Variants in CLVS1 observed in about 807,000 individuals in gnomAD.
The protein encoded by CLVS1 is clavesin 1.
Under a neutral mutation model 33.1 loss-of-function variants are expected in CLVS1, and 10 were observed. The observed-to-expected ratio is 0.30, with a 90% CI of 0.19 to 0.51. The LOEUF (loss-of-function observed/expected upper bound fraction) is 0.51. Among genes scored for constraint, CLVS1 ranks in the 20% least tolerant of loss-of-function variants. The pLI is 0.97. For synonymous variants in CLVS1, 163 were observed against 166.1 expected (o/e 0.98, Z 0.14); for missense variants, 343 against 433.4 (o/e 0.79, Z 1.85).
At chr8:61,494,425 C>A (rs1324969188) in intron 5 of CLVS1, among the ~76,000 whole-genome samples, 1 of 152,120 alleles carries the variant, frequency 6.6e-6, no homozygotes, top group East Asian at 1.9e-4. Context: ...TCAAATCACT[C>A]CCCTGCCTGA....
chr8:61,410,066 GTTTTTTTT>G (rs201195565), intron 3 of CLVS1, among the ~76,000 whole-genome samples: 1 of 106,920 alleles, frequency 9.4e-6, no homozygotes, highest in Admixed American at 1.0e-4. Flanking sequence ...ACTTGCAGAG[GTTTTTTTT>G]TTTTTTTTTT....
chr8:61,000,403 G>A, the CLVS1 span, among the ~76,000 whole-genome samples: 1 of 152,180 alleles, frequency 6.6e-6, no homozygotes, highest in Non-Finnish European at 1.5e-5. Flanking sequence ...GGACAGCTAA[G>A]GTTGAAAGGG....
At chr8:60,967,467 G>A in the CLVS1 span, 1 of 339,998 alleles carries the variant, frequency 2.9e-6, no homozygotes, top group South Asian at 2.2e-5. Flanking sequence ...GCCGCATAGA[G>A]ACATAAATCG....
chr8:61,330,924 A>G (rs1332108395), intron 2 of CLVS1, among the ~76,000 whole-genome samples: 2 of 136,080 alleles, frequency 1.5e-5, no homozygotes, highest in Non-Finnish European at 3.1e-5. Flanking sequence ...GCCCCATTTC[A>G]AAAAAAAAAA....
intron 5 of CLVS1, among the ~76,000 whole-genome samples, chr8:61,476,402 CATG>C (rs1817933672): frequency 2.0e-5 from 3 of 152,306 alleles, no homozygotes; most frequent in South Asian, 2.1e-4. Flanking sequence ...TGGCCATTTT[CATG>C]ATATTGATTC....
chr8:61,232,023 G>GTTTGTTTGTTTGTTTTTTTTTTTTT lies in CLVS1; in HGVS notation c.-151-67651_-151-67650insGTTTGTTTGTTTTTTTTTTTTTTTT. ...AGAAGGAGCCCTGAGGAAAGTTGTG[G>GTTTGTTTGTTTGTTTTTTTTTTTTT]TTTTTTTTTTTTTTTTTTTTTTTTT... is the stretch of plus-strand genomic sequence containing the variant. On this transcript the variant is annotated intron_variant, in intron 2 of 2. Coordinates refer to the CLVS1 transcript ENST00000522621. Among the ~76,000 whole-genome samples, 13 of 62,626 alleles carry GTTTGTTTGTTTGTTTTTTTTTTTTT rather than the reference G, an allele frequency of 2.1e-4. 1 individual carries two copies. Among genetic ancestry groups the GTTTGTTTGTTTGTTTTTTTTTTTTT allele is most frequent in the African/African-American group, 6.2e-4 (13 of 21,094 alleles). The allele number at this position is 62,626 out of a possible 152,430, so 41.1% of individuals were successfully genotyped here. A position where few individuals can be genotyped will look rare whatever the true frequency, so the allele number is the denominator to read the frequency against.
intron 5 of CLVS1, among the ~76,000 whole-genome samples, chr8:61,480,197 C>T (rs1376926860): frequency 6.6e-6 from 1 of 152,252 alleles, no homozygotes; most frequent in African/African-American, 2.4e-5. Flanking sequence ...CCTACAGAGG[C>T]AGGCAGGCCT....
At chr8:61,143,558 G>T (rs1162994427) in intron 2 of CLVS1, among the ~76,000 whole-genome samples, 2 of 151,802 alleles carry the variant, frequency 1.3e-5, no homozygotes, top group South Asian at 4.2e-4. Context: ...AATCATGTAG[G>T]ACTCCCATAA....
chr8:61,274,148 G>C (rs1416489873), intron 2 of CLVS1: 1 of 152,152 alleles, frequency 6.6e-6, no homozygotes, highest in Non-Finnish European at 1.5e-5. Context: ...ATTTCACATG[G>C]TATTAGGCAA....
chr8:61,013,527 G>A, the CLVS1 span, among the ~76,000 whole-genome samples: 1,640 of 152,322 alleles, frequency 0.011, 28 homozygotes, highest in African/African-American at 0.035. Flanking sequence ...AAAAGGGGAA[G>A]GGACTGGAAA....
intron 2 of CLVS1, among the ~76,000 whole-genome samples, chr8:61,230,665 C>T (rs1417405620): frequency 6.6e-6 from 1 of 152,188 alleles, no homozygotes; most frequent in Non-Finnish European, 1.5e-5. Context: ...CTTTCCTGCT[C>T]ATCACTCAAG....
chr8:61,235,403 C>T, intron 2 of CLVS1, among the ~76,000 whole-genome samples: 1 of 152,158 alleles, frequency 6.6e-6, no homozygotes, highest in Non-Finnish European at 1.5e-5. Flanking sequence ...GATGCACTTA[C>T]CTAGTACTGT....
intron 5 of CLVS1, among the ~76,000 whole-genome samples, chr8:61,496,839 C>T (rs1188911555): frequency 1.3e-5 from 2 of 152,200 alleles, no homozygotes; most frequent in Non-Finnish European, 2.9e-5. Context: ...CTAAACGCTT[C>T]TGTGGCCTTT....
intron 2 of CLVS1, among the ~76,000 whole-genome samples, chr8:61,146,319 C>A (rs1037434161): frequency 3.3e-5 from 5 of 152,172 alleles, no homozygotes; most frequent in Non-Finnish European, 7.3e-5. Context: ...CCAAGTTTAA[C>A]CCCTATTTAG....
upstream of CLVS1, among the ~76,000 whole-genome samples, chr8:61,053,020 A>C (rs1804412505): frequency 6.6e-6 from 1 of 152,154 alleles, no homozygotes. Context: ...GATGGCCTGG[A>C]TGTGGCATGT....
intron 5 of CLVS1, among the ~76,000 whole-genome samples, chr8:61,463,002 A>G (rs1682432979): frequency 6.6e-6 from 1 of 152,204 alleles, no homozygotes; most frequent in African/African-American, 2.4e-5. Flanking sequence ...GTCATTGGAA[A>G]TCTGTTGTTT....
At chr8:61,125,640 T>G (rs984997108) in intron 1 of CLVS1, among the ~76,000 whole-genome samples, 3 of 152,152 alleles carry the variant, frequency 2.0e-5, no homozygotes, top group African/African-American at 7.2e-5. Context: ...GCAACAAACT[T>G]TCAACTATTG....
the CLVS1 span, among the ~76,000 whole-genome samples, chr8:60,980,280 T>G: frequency 1.3e-5 from 2 of 152,262 alleles, no homozygotes; most frequent in African/African-American, 4.8e-5. Flanking sequence ...CCTTAACTAA[T>G]TATTTTAATG....
At chr8:60,972,604 T>A in the CLVS1 span, among the ~76,000 whole-genome samples, 1 of 152,276 alleles carries the variant, frequency 6.6e-6, no homozygotes, top group African/African-American at 2.4e-5. Flanking sequence ...AGGTTGGCCT[T>A]TTGAGATGTC....
Sources: gnomAD v4.1 joint callset for allele counts (sites outside exome capture counted in the v4.1 genomes callset) on GRCh38, gnomAD v4.1.1 for gene constraint, MANE v1.5 for transcripts, NCBI Gene and HGNC (gene_info 2026-07-23, HGNC 2026-07-21) for gene names.